Variants in PHACTR1 observed in about 807,000 individuals in gnomAD.
PHACTR1 encodes the protein phosphatase and actin regulator 1.
Under a neutral mutation model 69.2 loss-of-function variants are expected in PHACTR1, and 16 were observed. The ratio of observed to expected loss-of-function variants is 0.23; its 90% confidence interval spans 0.16 to 0.35. The LOEUF (loss-of-function observed/expected upper bound fraction) is 0.35. Ranked by LOEUF, PHACTR1 falls within the 10% of genes least tolerant of loss-of-function variation. The pLI is 1.00. For missense variants in PHACTR1, 510 were observed against 734.7 expected, an observed-to-expected ratio of 0.69 and a Z score of 3.54; for synonymous variants, 312 against 284.5, an observed-to-expected ratio of 1.10 and a Z score of -0.97.
At chr6:13,123,254 T>G (rs566554792) in intron 5 of PHACTR1, among the ~76,000 whole-genome samples, 1 of 152,234 alleles carries the variant, frequency 6.6e-6, no homozygotes, top group African/African-American at 2.4e-5. Context: ...CATGGGGAAA[T>G]CCCAGCTGAG....
chr6:13,007,443 T>C (rs1353798141), intron 4 of PHACTR1, among the ~76,000 whole-genome samples: 1 of 152,182 alleles, frequency 6.6e-6, no homozygotes, highest in Admixed American at 6.5e-5. Flanking sequence ...CTACCTAATC[T>C]GTCCCCTATT....
At chr6:13,106,876 G>A (rs1051564222) in intron 5 of PHACTR1, among the ~76,000 whole-genome samples, 6 of 152,130 alleles carry the variant, frequency 3.9e-5, no homozygotes, top group African/African-American at 1.4e-4. Flanking sequence ...TTGCATGACC[G>A]TGATAAACAC....
At chr6:13,189,166 T>C (rs1383635207) in intron 7 of PHACTR1, among the ~76,000 whole-genome samples, 1 of 152,240 alleles carries the variant, frequency 6.6e-6, no homozygotes, top group Non-Finnish European at 1.5e-5. Flanking sequence ...ATGTTCACAT[T>C]TGGGTAATAA....
intron 10 of PHACTR1, among the ~76,000 whole-genome samples, chr6:13,251,217 C>A (rs1034837956): frequency 6.6e-6 from 1 of 152,106 alleles, no homozygotes; most frequent in African/African-American, 2.4e-5. Flanking sequence ...AGAGACACAT[C>A]GGGTGGGATG....
At chr6:13,123,527 A>C (rs1819065777) in intron 5 of PHACTR1, among the ~76,000 whole-genome samples, 1 of 152,242 alleles carries the variant, frequency 6.6e-6, no homozygotes, top group Admixed American at 6.5e-5. Flanking sequence ...TTTAGATCCT[A>C]CAGCCAGCTT....
chr6:12,829,827 T>C (rs1581960262), intron 4 of PHACTR1, among the ~76,000 whole-genome samples: 1 of 149,220 alleles, frequency 6.7e-6, no homozygotes, highest in East Asian at 2.0e-4. Context: ...GTGTGGTGAC[T>C]GGCACCTGTA....
chr6:12,782,369 C>T (rs545595903), intron 4 of PHACTR1, among the ~76,000 whole-genome samples: 2 of 152,170 alleles, frequency 1.3e-5, no homozygotes, highest in African/African-American at 2.4e-5. Flanking sequence ...ACACATTCGA[C>T]TTGTCAGTTA....
In PHACTR1 at chr6:13,261,750, G is replaced by A. The variant is rs575481397; in HGVS notation, c.1392-11110G>A. Reference sequence around the variant, plus strand: ...TGCAGGAATATTGTTGCACACTGTAGGACACCTAAACCAAGAGATTTGCAG... The same window carrying A: ...TGCAGGAATATTGTTGCACACTGTAAGACACCTAAACCAAGAGATTTGCAG... On this transcript the variant is annotated intron_variant, in intron 10 of 14. Transcript: ENST00000332995. 4.7e-4 allele frequency among the ~76,000 whole-genome samples: 71 copies of A among 152,308 alleles called. 1 individual carries two copies. In the South Asian group the frequency reaches 0.015, roughly 31 times the overall value.
chr6:13,047,767 T>C (rs1805305245), intron 4 of PHACTR1, among the ~76,000 whole-genome samples: 1 of 152,124 alleles, frequency 6.6e-6, no homozygotes, highest in Admixed American at 6.5e-5. Flanking sequence ...CTCCCTGGGA[T>C]ACTGTATGAC....
chr6:13,233,876 C>T (rs1444680624), intron 10 of PHACTR1, among the ~76,000 whole-genome samples: 1 of 152,206 alleles, frequency 6.6e-6, no homozygotes, highest in Non-Finnish European at 1.5e-5. Context: ...GTCCTTCACT[C>T]TTTCAACTAG....
chr6:12,925,126 A>G (rs1788134825), intron 4 of PHACTR1, among the ~76,000 whole-genome samples: 1 of 152,194 alleles, frequency 6.6e-6, no homozygotes, highest in South Asian at 2.1e-4. Context: ...TGTCATTTGT[A>G]TTTTATATAC....
chr6:12,852,468 G>A (rs1344012220), intron 4 of PHACTR1, among the ~76,000 whole-genome samples: 2 of 152,240 alleles, frequency 1.3e-5, no homozygotes, highest in Middle Eastern at 3.4e-3. Context: ...TGAATCTGCC[G>A]TTACCCAAAG....
intron 4 of PHACTR1, among the ~76,000 whole-genome samples, chr6:12,845,437 C>CCCCG (rs1779151718): frequency 1.5e-5 from 1 of 64,822 alleles, no homozygotes; most frequent in Admixed American, 1.2e-4. Context: ...CCACCCCCCC[C>CCCCG]CCCCCCGCCC....
chr6:12,909,542 C>A (rs997733657), intron 4 of PHACTR1, among the ~76,000 whole-genome samples: 1 of 152,152 alleles, frequency 6.6e-6, no homozygotes, highest in African/African-American at 2.4e-5. Flanking sequence ...GGCATCGAGC[C>A]GGATGCGGTG....
At chr6:12,738,464 T>C (rs911570707) in intron 3 of PHACTR1, among the ~76,000 whole-genome samples, 1 of 152,228 alleles carries the variant, frequency 6.6e-6, no homozygotes, top group Non-Finnish European at 1.5e-5. Flanking sequence ...TTAGCATCCC[T>C]TATCAGTTCG....
intron 6 of PHACTR1, among the ~76,000 whole-genome samples, chr6:13,172,579 G>A (rs558660746): frequency 1.3e-4 from 20 of 152,276 alleles, no homozygotes; most frequent in Admixed American, 3.9e-4. Context: ...ACAGCTCCAG[G>A]GAAGTGCAGC....
chr6:12,784,604 A>G (rs924719599), intron 4 of PHACTR1, among the ~76,000 whole-genome samples: 9 of 152,044 alleles, frequency 5.9e-5, no homozygotes, highest in Admixed American at 4.6e-4. Flanking sequence ...ATGTATATCT[A>G]TACACATATA....
chr6:12,718,780 A>G lies in PHACTR1; in HGVS notation c.36A>G (p.Val12=). 1 of 1,572,048 alleles carries G rather than the reference A, an allele frequency of 6.4e-7. No homozygotes were observed. The highest frequency in any genetic ancestry group is 8.7e-7 in the Non-Finnish European group (1 of 1,156,028). Residue 12 remains valine, a synonymous_variant, in exon 3 of 15, where the codon GTA becomes GTG. Coordinates refer to ENST00000332995, the MANE Select transcript of PHACTR1 (RefSeq NM_030948.6). ...DYPKMDYFLD[V]ESAHRLLDVE... is the part of the protein sequence containing the mutation. ...CCAAAATGGATTATTTTCTGGATGT[A>G]GAGTCTGCTCACAGACTCTTGGATG...
At chr6:13,091,200 C>T (rs527450455) in intron 5 of PHACTR1, among the ~76,000 whole-genome samples, 3 of 148,316 alleles carry the variant, frequency 2.0e-5, no homozygotes, top group South Asian at 4.2e-4. Context: ...GTTTTCACCA[C>T]GTTGTCCAGG....
Sources: gnomAD v4.1 joint callset for allele counts (sites outside exome capture counted in the v4.1 genomes callset) on GRCh38, gnomAD v4.1.1 for gene constraint, MANE v1.5 for transcripts, NCBI Gene and HGNC (gene_info 2026-07-23, HGNC 2026-07-21) for gene names.